Variants in SAMMSON observed in about 807,000 individuals in gnomAD.
The protein encoded by SAMMSON is survival associated mitochondrial melanoma specific oncogenic non-coding RNA, also known as long intergenic non-protein coding RNA 1212.
chr3:70,098,802 G>T (rs2067332395), intron 4 of SAMMSON, among the ~76,000 whole-genome samples: 1 of 152,118 alleles, frequency 6.6e-6, no homozygotes, highest in Non-Finnish European at 1.5e-5. Flanking sequence ...ACTCCCAGGG[G>T]TTTTGTGCCC....
intron 4 of SAMMSON, among the ~76,000 whole-genome samples, chr3:70,187,020 A>G (rs970587264): frequency 1.3e-5 from 2 of 152,204 alleles, no homozygotes; most frequent in Non-Finnish European, 2.9e-5. Flanking sequence ...GGCTGCTGGA[A>G]GAAAGGTCTG....
chr3:70,348,797 A>G (rs1702770977), intron 7 of SAMMSON, among the ~76,000 whole-genome samples: 1 of 152,122 alleles, frequency 6.6e-6, no homozygotes, highest in Non-Finnish European at 1.5e-5. Flanking sequence ...CTGTTAAAAG[A>G]ACTGTGTTTT....
chr3:70,042,117 T>C (rs1007368711), intron 3 of SAMMSON, among the ~76,000 whole-genome samples: 2 of 152,242 alleles, frequency 1.3e-5, no homozygotes, highest in South Asian at 4.1e-4. Flanking sequence ...GTTCCATTTT[T>C]ACAAATGGTT....
At chr3:70,432,765 T>C (rs558888867) in intron 2 of SAMMSON, among the ~76,000 whole-genome samples, 51 of 152,158 alleles carry the variant, frequency 3.4e-4, no homozygotes, top group African/African-American at 1.2e-3. Flanking sequence ...TACAGTATTA[T>C]ATAGAATGGT....
intron 4 of SAMMSON, chr3:70,205,182 C>G (rs903780070): frequency 6.6e-6 from 1 of 152,076 alleles, no homozygotes; most frequent in Non-Finnish European, 1.5e-5. Context: ...CACTCCTGGT[C>G]TCTGGATTTT....
At chr3:70,395,639 C>A (rs1701086218) in intron 2 of SAMMSON, among the ~76,000 whole-genome samples, 1 of 151,978 alleles carries the variant, frequency 6.6e-6, no homozygotes, top group African/African-American at 2.4e-5. Context: ...CAACCCCAAC[C>A]CTGGCAAAGC....
intron 3 of SAMMSON, among the ~76,000 whole-genome samples, chr3:70,045,411 A>T (rs984611117): frequency 2.6e-5 from 4 of 151,470 alleles, no homozygotes; most frequent in Non-Finnish European, 5.9e-5. Flanking sequence ...TAGTTAAGCA[A>T]GAGAATCAAT....
intron 4 of SAMMSON, among the ~76,000 whole-genome samples, chr3:70,107,364 A>G (rs2067370865): frequency 6.6e-6 from 1 of 152,140 alleles, no homozygotes; most frequent in Non-Finnish European, 1.5e-5. Flanking sequence ...GAGAAAATAT[A>G]TGAAGTAGGA....
At chr3:70,144,290 A>G (rs960791227) in intron 4 of SAMMSON, among the ~76,000 whole-genome samples, 1 of 152,118 alleles carries the variant, frequency 6.6e-6, no homozygotes, top group East Asian at 1.9e-4. Flanking sequence ...TATAATGAGT[A>G]TGCTGAACTG....
intron 4 of SAMMSON, among the ~76,000 whole-genome samples, chr3:70,101,059 T>C (rs1367869815): frequency 6.6e-6 from 1 of 152,166 alleles, no homozygotes; most frequent in Non-Finnish European, 1.5e-5. Flanking sequence ...TTTGATCTGG[T>C]GGATTATTAT....
intron 4 of SAMMSON, among the ~76,000 whole-genome samples, chr3:70,232,894 G>T (rs1471649330): frequency 2.0e-5 from 3 of 152,090 alleles, no homozygotes; most frequent in African/African-American, 7.2e-5. Flanking sequence ...GCCTATGAAA[G>T]TTTGAAGCCC....
At chr3:70,305,677 A>C (rs1212833684) in intron 7 of SAMMSON, among the ~76,000 whole-genome samples, 1 of 152,252 alleles carries the variant, frequency 6.6e-6, no homozygotes, top group Non-Finnish European at 1.5e-5. Flanking sequence ...TGCATATTTC[A>C]GAATTCTATT....
chr3:70,232,686 TGAAACCCCTCAACAAGAGAGGTA>T lies in SAMMSON; in HGVS notation n.508-16420_508-16398del, dbSNP rs1701571893. 2.6e-5 allele frequency among the ~76,000 whole-genome samples: 4 copies of T among 152,100 alleles called. 1 individual carries two copies. The South Asian group carries it at 8.3e-4, about 32-fold the overall frequency. On this transcript the variant is annotated intron_variant and non_coding_transcript_variant, in intron 4 of 9. Coordinates refer to ENST00000642114, the Ensembl canonical transcript of SAMMSON. ...GTGCTTAGGATGAAGACATCATTCC[TGAAACCCCTCAACAAGAGAGGTA>T]ATTAGTCACAATAATAATGTAAATA...
chr3:70,139,270 C>T (rs1053750419), intron 4 of SAMMSON, among the ~76,000 whole-genome samples: 6 of 152,146 alleles, frequency 3.9e-5, no homozygotes, highest in Admixed American at 2.0e-4. Flanking sequence ...CTCCTGGCCT[C>T]AAGTTATCCT....
At chr3:70,253,408 G>T (rs546567086) in intron 6 of SAMMSON, among the ~76,000 whole-genome samples, 1 of 152,210 alleles carries the variant, frequency 6.6e-6, no homozygotes, top group East Asian at 1.9e-4. Context: ...AAGAGTTGTA[G>T]AATACCAGAG....
At chr3:70,136,905 A>C (rs2067508189) in intron 4 of SAMMSON, among the ~76,000 whole-genome samples, 1 of 152,208 alleles carries the variant, frequency 6.6e-6, no homozygotes, top group Non-Finnish European at 1.5e-5. Flanking sequence ...TATTCAAAGG[A>C]AATAAACAAT....
rs1576123080 is a variant in SAMMSON at position 70,105,287 on chromosome 3, T to C, written n.507+33722T>C. Among the ~76,000 whole-genome samples, 7 of 152,362 alleles carry C rather than the reference T, an allele frequency of 4.6e-5. 1 individual carries two copies. Among genetic ancestry groups the C allele is most frequent in the Admixed American group, 4.6e-4 (7 of 15,302 alleles). On this transcript the variant is annotated intron_variant and non_coding_transcript_variant, in intron 4 of 9. Transcript: ENST00000642114. Reference sequence around the variant, plus strand: ...GTAAAATAGCAATTATTTTTCACCATTAGTCTGCCTTTCTTTGTGTTGGGG... The same window carrying C: ...GTAAAATAGCAATTATTTTTCACCACTAGTCTGCCTTTCTTTGTGTTGGGG...
At chr3:70,012,150 T>C (rs557379127) in intron 1 of SAMMSON, among the ~76,000 whole-genome samples, 1 of 152,258 alleles carries the variant, frequency 6.6e-6, no homozygotes, top group South Asian at 2.1e-4. Flanking sequence ...AGCTTGAAGT[T>C]ATTTTCAAGC....
At chr3:70,316,272 G>C (rs1333132013) in intron 7 of SAMMSON, among the ~76,000 whole-genome samples, 1 of 152,076 alleles carries the variant, frequency 6.6e-6, no homozygotes, top group Non-Finnish European at 1.5e-5. Flanking sequence ...TTGCTATCAC[G>C]AGTCCTTTTG....
Sources: gnomAD v4.1 joint callset for allele counts (sites outside exome capture counted in the v4.1 genomes callset) on GRCh38, gnomAD v4.1.1 for gene constraint, MANE v1.5 for transcripts, NCBI Gene and HGNC (gene_info 2026-07-23, HGNC 2026-07-21) for gene names.